The following ROBO1 variants were observed in gnomAD, a reference collection of about 807,000 sequenced individuals.
The protein encoded by ROBO1 is roundabout homolog 1.
In ROBO1, 149 loss-of-function variants were observed where a neutral mutation model predicts 195.9. The observed-to-expected ratio is 0.76, with a 90% CI of 0.67 to 0.87. The LOEUF (loss-of-function observed/expected upper bound fraction) is 0.87. Among genes scored for constraint, ROBO1 ranks in the 40% least tolerant of loss-of-function variants. The pLI, the probability that ROBO1 is intolerant of heterozygous loss-of-function variation, is 0.00. For synonymous variants in ROBO1, 816 were observed against 733.2 expected, an observed-to-expected ratio of 1.11 and a Z score of -1.82; for missense variants, 1,933 against 2,068.3, an observed-to-expected ratio of 0.93 and a Z score of 1.27.
At chr3:78,776,648 A>T (rs186877530) in intron 4 of ROBO1, among the ~76,000 whole-genome samples, 188 of 152,342 alleles carry the variant, frequency 1.2e-3, no homozygotes, top group African/African-American at 4.4e-3. Context: ...ATTGGCAAGA[A>T]CTACATTCAC....
chr3:78,970,280 A>C (rs1560064557), intron 3 of ROBO1, among the ~76,000 whole-genome samples: 1 of 152,166 alleles, frequency 6.6e-6, no homozygotes, highest in Non-Finnish European at 1.5e-5. Context: ...AATTTAGAAA[A>C]AATTACTCAA....
chr3:78,661,304 A>G (rs762977919), intron 15 of ROBO1, 43 bp from the exon 16 acceptor site: 24 of 1,194,856 alleles, frequency 2.0e-5, no homozygotes, highest in African/African-American at 3.1e-5. Flanking sequence ...ATATTATTGT[A>G]TTGGTTCATC....
chr3:78,620,883 A>ATATG (rs368794312), intron 26 of ROBO1, among the ~76,000 whole-genome samples: 8 of 144,622 alleles, frequency 5.5e-5, no homozygotes, highest in African/African-American at 7.7e-5. Flanking sequence ...ATATATATAT[A>ATATG]TGTGTGTGTG....
rs537233865 is a variant in ROBO1 at position 79,030,331 on chromosome 3, A to T, written c.173-91404T>A. ...CATCTGGTGTGTTAAGGCAAGGGAT[A>T]CTGCTAAACATCTTCCATTGCATAG... On this transcript the variant is annotated intron_variant, in intron 3 of 30. Coordinates refer to ENST00000464233, the MANE Select transcript of ROBO1 (RefSeq NM_002941.4). Among the ~76,000 whole-genome samples, 4 of 152,318 alleles carry T rather than the reference A, an allele frequency of 2.6e-5. No homozygotes were observed. The East Asian group carries it at 7.7e-4, about 29-fold the overall frequency.
chr3:79,644,350 A>G (rs909926690), intron 1 of ROBO1, among the ~76,000 whole-genome samples: 8 of 152,186 alleles, frequency 5.3e-5, no homozygotes, highest in African/African-American at 1.9e-4. Context: ...CATATGTATT[A>G]ATTTGTTTTC....
intron 2 of ROBO1, among the ~76,000 whole-genome samples, chr3:79,302,515 G>C: frequency 6.6e-6 from 1 of 151,998 alleles, no homozygotes; most frequent in Admixed American, 6.6e-5. Flanking sequence ...TCTGTGTAGG[G>C]GTAGCCCTTT....
At chr3:78,624,483 C>T (rs188474912) in intron 26 of ROBO1, among the ~76,000 whole-genome samples, 201 of 152,140 alleles carry the variant, frequency 1.3e-3, no homozygotes, top group Admixed American at 1.9e-3. Context: ...TGAAAATAGT[C>T]AAATTGATTG....
chr3:79,279,661 T>C (rs1164159120), intron 2 of ROBO1, among the ~76,000 whole-genome samples: 1 of 152,190 alleles, frequency 6.6e-6, no homozygotes, highest in Non-Finnish European at 1.5e-5. Context: ...TACCTCCATA[T>C]TTATTGCAGA....
At position 79,088,169 on chromosome 3, in the gene ROBO1, C is replaced by T. The variant is rs995996063; in HGVS notation, c.172+37287G>A. 5.5e-4 allele frequency among the ~76,000 whole-genome samples: 84 copies of T among 152,150 alleles called. 1 individual carries two copies. Among genetic ancestry groups the T allele is most frequent in the Admixed American group, 4.4e-3 (67 of 15,262 alleles). On this transcript the variant is annotated intron_variant, in intron 3 of 30. Coordinates refer to ENST00000464233, the MANE Select transcript of ROBO1 (RefSeq NM_002941.4). Reference sequence around the variant, plus strand: ...CTGCTGATTATTCGATATGGGAAAGCACTCTGTCACTATAATATCTGCTAT... The same window carrying T: ...CTGCTGATTATTCGATATGGGAAAGTACTCTGTCACTATAATATCTGCTAT...
chr3:79,602,139 T>A (rs1312771770), intron 1 of ROBO1, among the ~76,000 whole-genome samples: 1 of 151,948 alleles, frequency 6.6e-6, no homozygotes, highest in African/African-American at 2.4e-5. Context: ...TACCTTCCCT[T>A]ATGTTGGGTT....
At chr3:78,916,427 C>T (rs1413274416) in intron 4 of ROBO1, among the ~76,000 whole-genome samples, 1 of 151,210 alleles carries the variant, frequency 6.6e-6, no homozygotes, top group Non-Finnish European at 1.5e-5. Context: ...GGGCGGGTGC[C>T]TGTACTCCCA....
At chr3:79,117,167 T>C (rs2080020370) in intron 3 of ROBO1, among the ~76,000 whole-genome samples, 1 of 151,718 alleles carries the variant, frequency 6.6e-6, no homozygotes, top group African/African-American at 2.4e-5. Context: ...CAGGAGTTCG[T>C]GACCAGCCTG....
At chr3:79,273,039 A>C (rs2030709083) in intron 2 of ROBO1, among the ~76,000 whole-genome samples, 1 of 152,082 alleles carries the variant, frequency 6.6e-6, no homozygotes, top group African/African-American at 2.4e-5. Context: ...AGGAGAAATA[A>C]AGACCTTCGC....
At chr3:78,793,135 C>CAAA (rs34409991) in intron 4 of ROBO1, among the ~76,000 whole-genome samples, 1 of 139,478 alleles carries the variant, frequency 7.2e-6, no homozygotes, top group African/African-American at 2.6e-5. Context: ...AAAACAAAAC[C>CAAA]AAAAAAAAAA....
intron 2 of ROBO1, among the ~76,000 whole-genome samples, chr3:79,298,721 T>C (rs777864441): frequency 5.9e-5 from 9 of 152,080 alleles, no homozygotes; most frequent in Non-Finnish European, 1.0e-4. Flanking sequence ...AAAATTAAGA[T>C]ATTACAAGTA....
chr3:79,733,729 T>A (rs529456754), intron 1 of ROBO1, among the ~76,000 whole-genome samples: 1 of 152,300 alleles, frequency 6.6e-6, no homozygotes, highest in East Asian at 1.9e-4. Context: ...TGTACTATCA[T>A]ATTCTCTGTA....
chr3:79,552,765 C>T (rs1942569344), intron 2 of ROBO1, among the ~76,000 whole-genome samples: 1 of 152,008 alleles, frequency 6.6e-6, no homozygotes, highest in African/African-American at 2.4e-5. Context: ...GCTTCAGTTC[C>T]TGCCTGGAAG....
At chr3:79,246,537 G>A (rs2082627064) in intron 2 of ROBO1, among the ~76,000 whole-genome samples, 1 of 152,124 alleles carries the variant, frequency 6.6e-6, no homozygotes, top group Non-Finnish European at 1.5e-5. Flanking sequence ...CCTCTACACT[G>A]TCTTAATCAT....
At chr3:79,205,418 C>T (rs903720821) in intron 2 of ROBO1, among the ~76,000 whole-genome samples, 3 of 152,044 alleles carry the variant, frequency 2.0e-5, no homozygotes. Flanking sequence ...TTTAATCACC[C>T]AGATAACATG....
Sources: gnomAD v4.1 joint callset for allele counts (sites outside exome capture counted in the v4.1 genomes callset) on GRCh38, gnomAD v4.1.1 for gene constraint, MANE v1.5 for transcripts, NCBI Gene and HGNC (gene_info 2026-07-23, HGNC 2026-07-21) for gene names.